Variants in FHOD3 observed in about 807,000 individuals in gnomAD.
FHOD3 encodes FH1/FH2 domain-containing protein 3.
In FHOD3, 90 loss-of-function variants were observed where a neutral mutation model predicts 173.0. That is an observed-to-expected ratio of 0.52 (90% CI 0.44 to 0.62). The LOEUF (loss-of-function observed/expected upper bound fraction) is 0.62, where lower values mean the gene tolerates loss of function less well. FHOD3 is among the 20% of genes least tolerant of loss of function. The probability of loss-of-function intolerance (pLI) is 0.00; values close to 1 mark genes in which losing one functional copy is unlikely to be tolerated. For missense variants in FHOD3, 1,945 were observed against 2,034.7 expected, an observed-to-expected ratio of 0.96 and a Z score of 0.85; for synonymous variants, 828 against 823.0, an observed-to-expected ratio of 1.01 and a Z score of -0.10.
intron 1 of FHOD3, among the ~76,000 whole-genome samples, chr18:36,335,799 C>T (rs559146787): frequency 6.6e-6 from 1 of 152,290 alleles, no homozygotes; most frequent in South Asian, 2.1e-4. Context: ...GTGCTGTGCT[C>T]CTCACGTGCC....
chr18:36,481,030 T>G (rs2053860654), intron 3 of FHOD3, among the ~76,000 whole-genome samples: 1 of 147,630 alleles, frequency 6.8e-6, no homozygotes, highest in Admixed American at 6.7e-5. Flanking sequence ...GTTTTTTTTT[T>G]TTTTTTTTTT....
intron 3 of FHOD3, among the ~76,000 whole-genome samples, chr18:36,411,627 A>C (rs1383522030): frequency 1.3e-5 from 2 of 152,218 alleles, no homozygotes; most frequent in East Asian, 3.8e-4. Context: ...TATAATATAG[A>C]GTAACCACAT....
chr18:36,375,467 A>G (rs2047394843), intron 3 of FHOD3, among the ~76,000 whole-genome samples: 1 of 152,178 alleles, frequency 6.6e-6, no homozygotes, highest in Non-Finnish European at 1.5e-5. Context: ...CTGGGCTTAA[A>G]ATGCTATCAA....
In FHOD3 at chr18:36,760,832, C is replaced by CT. The variant is rs759001367; in HGVS notation, c.4624+51dup. 43 of 1,532,736 alleles carry CT rather than the reference C, an allele frequency of 2.8e-5. 1 individual carries two copies. The South Asian group carries it at 5.0e-4, about 18-fold the overall frequency. The allele number at this position is 1,532,736 out of a possible 1,614,324, so 94.9% of individuals were successfully genotyped here. On this transcript the variant is annotated intron_variant, in intron 27 of 28. Transcript: ENST00000590592. The stretch of plus-strand genomic sequence containing the variant: ...GTCTTGTCTTCTCAGGTTGGCCGCT[C>CT]TGGGGGGGTCCGGTCTCCATCGCAG...
intron 5 of FHOD3, among the ~76,000 whole-genome samples, chr18:36,530,985 G>C (rs955247818): frequency 6.6e-6 from 1 of 152,208 alleles, no homozygotes; most frequent in Non-Finnish European, 1.5e-5. Context: ...TGGTCCCCAA[G>C]GGTCTTGCCT....
intron 5 of FHOD3, among the ~76,000 whole-genome samples, chr18:36,562,238 A>T (rs543109182): frequency 6.6e-6 from 1 of 152,056 alleles, no homozygotes; most frequent in Admixed American, 6.5e-5. Context: ...TCTGGTCTTG[A>T]ACTCCTGACC....
At chr18:36,627,493 G>A (rs1025219918) in intron 10 of FHOD3, among the ~76,000 whole-genome samples, 5 of 152,146 alleles carry the variant, frequency 3.3e-5, no homozygotes, top group South Asian at 2.1e-4. Flanking sequence ...TGCTGGGCTC[G>A]GTAGGATCTG....
At chr18:36,544,898 C>A (rs2057357341) in intron 5 of FHOD3, among the ~76,000 whole-genome samples, 1 of 152,176 alleles carries the variant, frequency 6.6e-6, no homozygotes, top group South Asian at 2.1e-4. Context: ...AGACAAACAA[C>A]CTAACTTCAG....
At chr18:36,559,491 C>T (rs1164709389) in intron 5 of FHOD3, among the ~76,000 whole-genome samples, 2 of 152,178 alleles carry the variant, frequency 1.3e-5, no homozygotes, top group African/African-American at 4.8e-5. Flanking sequence ...TTACTAATTA[C>T]CTACCATTCA....
intron 1 of FHOD3, among the ~76,000 whole-genome samples, chr18:36,350,035 C>T (rs1412232259): frequency 6.7e-6 from 1 of 150,122 alleles, no homozygotes; most frequent in African/African-American, 2.5e-5. Flanking sequence ...GCCTTGACCT[C>T]CCAAAGTGCT....
At chr18:36,364,214 T>TAAATA (rs34872771) in intron 2 of FHOD3, among the ~76,000 whole-genome samples, 1 of 152,128 alleles carries the variant, frequency 6.6e-6, no homozygotes, top group East Asian at 1.9e-4. Context: ...TGTGGCAGTT[T>TAAATA]AAATAAAATA....
At chr18:36,681,360 A>G in intron 14 of FHOD3, 76 bp from the exon 15 acceptor site, 2 of 1,558,594 alleles carry the variant, frequency 1.3e-6, no homozygotes, top group Non-Finnish European at 1.8e-6. Context: ...ATTCTAACCA[A>G]GGTCTGACTG....
intron 3 of FHOD3, among the ~76,000 whole-genome samples, chr18:36,398,807 A>G (rs2048671766): frequency 6.6e-6 from 1 of 152,050 alleles, no homozygotes; most frequent in Admixed American, 6.5e-5. Flanking sequence ...GGTACATTGT[A>G]TGTCTGTGAC....
intron 3 of FHOD3, among the ~76,000 whole-genome samples, chr18:36,388,707 G>A (rs1010248955): frequency 6.6e-6 from 1 of 152,106 alleles, no homozygotes; most frequent in South Asian, 2.1e-4. Context: ...CCAGGCACAC[G>A]TTGCCTCTTC....
At chr18:36,588,091 C>T (rs901538913) in intron 6 of FHOD3, among the ~76,000 whole-genome samples, 2 of 152,194 alleles carry the variant, frequency 1.3e-5, no homozygotes, top group African/African-American at 4.8e-5. Flanking sequence ...GAGTTCTGTA[C>T]TTAGTTAATA....
intron 2 of FHOD3, among the ~76,000 whole-genome samples, chr18:36,365,650 A>C (rs540687291): frequency 1.3e-5 from 2 of 152,346 alleles, no homozygotes; most frequent in East Asian, 3.9e-4. Context: ...TTATATCCAT[A>C]AAACAGGTGG....
intron 5 of FHOD3, among the ~76,000 whole-genome samples, chr18:36,534,959 A>C (rs927163701): frequency 6.6e-6 from 1 of 152,248 alleles, no homozygotes; most frequent in South Asian, 2.1e-4. Flanking sequence ...CTACTGGGCC[A>C]GTCTGGGCCA....
At chr18:36,734,972 T>C (rs2041559055) in intron 20 of FHOD3, among the ~76,000 whole-genome samples, 1 of 152,204 alleles carries the variant, frequency 6.6e-6, no homozygotes, top group African/African-American at 2.4e-5. Flanking sequence ...GAAGTCATTT[T>C]TCATAAGAGT....
intron 3 of FHOD3, among the ~76,000 whole-genome samples, chr18:36,444,531 G>A (rs781474911): frequency 9.9e-5 from 15 of 151,940 alleles, no homozygotes; most frequent in Non-Finnish European, 2.1e-4. Flanking sequence ...CTCATTCCCC[G>A]CTTCTTTCTT....
Sources: allele counts gnomAD v4.1 joint callset (sites outside exome capture counted in the v4.1 genomes callset), GRCh38; gene constraint gnomAD v4.1.1; transcripts MANE v1.5; gene names NCBI Gene and HGNC (gene_info 2026-07-23, HGNC 2026-07-21).